The following SYCP1 variants were observed in gnomAD, a reference collection of about 807,000 sequenced individuals.
The protein encoded by SYCP1 is synaptonemal complex protein 1.
A neutral mutation model predicts 153.1 loss-of-function variants in SYCP1; 64 were observed. That is an observed-to-expected ratio of 0.42 (90% confidence interval 0.34 to 0.51). The LOEUF (loss-of-function observed/expected upper bound fraction) is 0.51. Among genes scored for constraint, SYCP1 ranks in the 20% least tolerant of loss-of-function variants. The pLI is 0.06. For missense variants in SYCP1, 997 were observed against 1,049.0 expected (o/e 0.95, Z 0.68); for synonymous variants, 384 against 341.8 (o/e 1.12, Z -1.36).
intron 10 of SYCP1, 41 bp from the exon 11 acceptor site, chr1:114,876,696 T>A: frequency 4.8e-6 from 5 of 1,040,610 alleles, no homozygotes; most frequent in Non-Finnish European, 6.5e-6. Context: ...TGTTATAAAA[T>A]TATGTTATGA....
chr1:114,967,389 G>A (rs990452948), intron 27 of SYCP1, among the ~76,000 whole-genome samples: 2 of 152,174 alleles, frequency 1.3e-5, no homozygotes, highest in African/African-American at 4.8e-5. Context: ...AGGATAGTTA[G>A]CTCTTCTTGT....
intron 9 of SYCP1, among the ~76,000 whole-genome samples, chr1:114,875,416 C>T (rs1665450250): frequency 6.6e-6 from 1 of 151,894 alleles, no homozygotes; most frequent in Non-Finnish European, 1.5e-5. Context: ...ACAGCCACTA[C>T]GCCCGGCTGA....
rs2101826613 is a variant in SYCP1, at chr1:114,946,305, T to A, written c.2171T>A (p.Ile724Asn). The change falls in exon 26 of 32, where the codon ATC becomes AAC. Residue 724 changes from isoleucine to asparagine, a missense_variant. Physicochemically the swap from Ile to Asn is moderately radical, Grantham distance 149. Around this residue, in one of 2 missense-constraint regions of SYCP1, gnomAD observed 712 missense variants for 682.9 expected, o/e 1.04. Transcript: ENST00000369522. ...MEKHKHQYDK[I>N]IEERDSELGL... ...TTAATATAGCACCAATATGATAAGA[T>A]CATTGAAGAAAGAGACTCAGAATTA... 6.3e-7 allele frequency: 1 copy of A among 1,578,848 alleles called. No individual in the cohort carries two copies. The highest frequency in any genetic ancestry group is 2.4e-5 in the East Asian group (1 of 41,416).
chr1:114,981,650 A>G (rs1673163252), intron 29 of SYCP1, 138 bp downstream of exon 29: 3 of 779,982 alleles, frequency 3.8e-6, no homozygotes, highest in Non-Finnish European at 5.8e-6. Flanking sequence ...TGGTATCAGC[A>G]TGAAATGTAA....
chr1:114,904,695 A>G (rs979547419), intron 16 of SYCP1, among the ~76,000 whole-genome samples: 2 of 152,166 alleles, frequency 1.3e-5, no homozygotes, highest in African/African-American at 2.4e-5. Flanking sequence ...CCAAATAGGC[A>G]TTTGATTTCT....
At chr1:114,869,083 T>C (rs903347068) in intron 8 of SYCP1, among the ~76,000 whole-genome samples, 4 of 152,206 alleles carry the variant, frequency 2.6e-5, no homozygotes, top group African/African-American at 9.6e-5. Flanking sequence ...CTTCTTACTT[T>C]GGATTTAATT....
At chr1:114,877,996 G>A in intron 11 of SYCP1, 98 bp from the exon 12 acceptor site, 1 of 715,026 alleles carries the variant, frequency 1.4e-6, no homozygotes, top group Non-Finnish European at 2.2e-6. Context: ...CAGCTGAAAA[G>A]CATGTAGACA....
At chr1:114,895,385 T>A (rs1282231377) in intron 15 of SYCP1, 63 bp from the exon 16 acceptor site, 2 of 1,111,382 alleles carry the variant, frequency 1.8e-6, no homozygotes, top group African/African-American at 3.2e-5. Flanking sequence ...GCTTGTTCCT[T>A]CTGTCTCTTT....
intron 3 of SYCP1, 131 bp downstream of exon 3, chr1:114,856,788 A>G (rs2101249491): frequency 1.5e-6 from 1 of 676,772 alleles, no homozygotes; most frequent in Non-Finnish European, 2.3e-6. Flanking sequence ...AATACTTAAT[A>G]TAAAAAATAA....
rs1672709764 is a variant in SYCP1 at position 114,974,806 on chromosome 1, A to G, written c.2323-2751A>G. Among the ~76,000 whole-genome samples the G allele has an allele frequency of 4.6e-5, 7 of 151,956 alleles. No individual in the cohort carries two copies. In the South Asian group the frequency reaches 1.4e-3, roughly 31 times the overall value. On this transcript the variant is annotated intron_variant, in intron 27 of 31. Transcript: ENST00000369522. The stretch of plus-strand genomic sequence containing the variant: ...CTGTAATGAATGTGAGTGTGCAACT[A>G]TCTCTTTAAAATCTTGCTTTGAATT...
chr1:114,971,578 A>C (rs1371387795), intron 27 of SYCP1, among the ~76,000 whole-genome samples: 1 of 152,176 alleles, frequency 6.6e-6, no homozygotes, highest in Admixed American at 6.5e-5. Context: ...AGTCTGTCAT[A>C]TACGGCTTTT....
At chr1:114,855,708 C>A (rs1399545139) in intron 2 of SYCP1, 136 bp downstream of exon 2, 3 of 655,684 alleles carry the variant, frequency 4.6e-6, no homozygotes, top group Non-Finnish European at 7.7e-6. Flanking sequence ...ATTTTGAATC[C>A]CATTGCTTTA....
intron 8 of SYCP1, among the ~76,000 whole-genome samples, chr1:114,873,077 A>G (rs1383670561): frequency 6.6e-6 from 1 of 152,196 alleles, no homozygotes; most frequent in Non-Finnish European, 1.5e-5. Context: ...TTTATGTACT[A>G]GAGCCCTTAG....
intron 16 of SYCP1, among the ~76,000 whole-genome samples, chr1:114,901,320 T>A (rs1290928835): frequency 6.6e-6 from 1 of 152,148 alleles, no homozygotes; most frequent in African/African-American, 2.4e-5. Flanking sequence ...GCCTTATAAA[T>A]AGAGCTATAA....
In SYCP1 at chr1:114,877,675, C is replaced by T. The variant is rs151335732; in HGVS notation, c.802-419C>T. Among the ~76,000 whole-genome samples the T allele has an allele frequency of 8.9e-4, 135 of 152,236 alleles. 2 individuals are homozygous for T. In the Middle Eastern group the frequency reaches 0.01, roughly 12 times the overall value. On this transcript the variant is annotated intron_variant, in intron 11 of 31. Transcript: ENST00000369522. ...CAGCTAGTGTTTTTGCTGAGGACTC[C>T]TAAATGTCATTATTTGTAACACTTT...
chr1:114,866,253 C>T (rs1482236366), intron 8 of SYCP1, among the ~76,000 whole-genome samples: 1 of 151,916 alleles, frequency 6.6e-6, no homozygotes. Flanking sequence ...TAAGAAATTG[C>T]CAAACTGTCT....
rs1302952537 is a variant in SYCP1, at chr1:114,983,509, C to T, written c.2560-1216C>T. Among the ~76,000 whole-genome samples, 9 of 151,892 alleles carry T rather than the reference C, an allele frequency of 5.9e-5. 1 individual carries two copies. In the East Asian group the frequency reaches 1.6e-3, roughly 26 times the overall value. ...TAAGTGGGATCTTGCAGAGACTCAC[C>T]AGACAAATCAAATACTGACAATTCT... is the stretch of plus-strand genomic sequence containing the variant. On this transcript the variant is annotated intron_variant, in intron 29 of 31. Coordinates refer to ENST00000369522, the MANE Select transcript of SYCP1 (RefSeq NM_003176.4).
intron 24 of SYCP1, among the ~76,000 whole-genome samples, 171 bp downstream of exon 24, chr1:114,944,626 C>T (rs1273956832): frequency 2.6e-5 from 4 of 151,526 alleles, no homozygotes; most frequent in Non-Finnish European, 5.9e-5. Flanking sequence ...TAAAAGTATC[C>T]TTGCTATTCT....
intron 15 of SYCP1, among the ~76,000 whole-genome samples, chr1:114,890,942 G>A (rs1053586612): frequency 6.6e-6 from 1 of 152,052 alleles, no homozygotes; most frequent in African/African-American, 2.4e-5. Context: ...TGCATGTAAA[G>A]AACATAATGG....
Sources: gnomAD v4.1 joint callset for allele counts (sites outside exome capture counted in the v4.1 genomes callset) on GRCh38, gnomAD v4.1.1 for gene constraint, gnomAD v4.1.1 regional missense constraint, MANE v1.5 for transcripts, NCBI Gene and HGNC (gene_info 2026-07-23, HGNC 2026-07-21) for gene names.